The following LHFPL6 variants were observed in gnomAD, a reference collection of about 807,000 sequenced individuals.
LHFPL6 encodes the protein LHFPL tetraspan subfamily member 6 protein.
LHFPL6 carries 9 observed loss-of-function variants against 20.6 expected under a neutral mutation model. The observed-to-expected ratio is 0.44, with a 90% confidence interval of 0.26 to 0.76. The LOEUF is 0.76. LHFPL6 is among the 30% of genes least tolerant of loss of function. The pLI is 0.20. For missense variants in LHFPL6, 218 were observed against 253.5 expected (o/e 0.86, Z 0.95); for synonymous variants, 105 against 98.7 (o/e 1.06, Z -0.38).
chr13:39,564,791 C>G (rs1353872255), intron 2 of LHFPL6, among the ~76,000 whole-genome samples: 1 of 152,104 alleles, frequency 6.6e-6, no homozygotes, highest in African/African-American at 2.4e-5. Context: ...CACCTTCTGC[C>G]AATGAGCTAT....
chr13:39,561,362 A>G (rs1871476928), intron 2 of LHFPL6, among the ~76,000 whole-genome samples: 1 of 152,110 alleles, frequency 6.6e-6, no homozygotes, highest in African/African-American at 2.4e-5. Context: ...CAGCATCAGA[A>G]TCATCATTGT....
intron 2 of LHFPL6, among the ~76,000 whole-genome samples, chr13:39,535,779 T>C (rs1404114509): frequency 6.6e-6 from 1 of 152,246 alleles, no homozygotes; most frequent in Non-Finnish European, 1.5e-5. Flanking sequence ...ACCATCATTC[T>C]TCTGCTGTGA....
At chr13:39,362,596 C>T (rs1869902990) in intron 3 of LHFPL6, among the ~76,000 whole-genome samples, 1 of 152,150 alleles carries the variant, frequency 6.6e-6, no homozygotes, top group Admixed American at 6.5e-5. Context: ...CAAAATGAGA[C>T]ACCTGCATAA....
intron 2 of LHFPL6, among the ~76,000 whole-genome samples, chr13:39,552,316 T>A (rs1871163404): frequency 6.6e-6 from 1 of 152,176 alleles, no homozygotes; most frequent in Non-Finnish European, 1.5e-5. Flanking sequence ...CACAACCATA[T>A]TCAAAGACTA....
intron 2 of LHFPL6, among the ~76,000 whole-genome samples, chr13:39,521,540 A>T (rs570579119): frequency 1.8e-4 from 28 of 152,216 alleles, no homozygotes; most frequent in African/African-American, 5.8e-4. Context: ...GCAGCTAAAA[A>T]TTTTTATATA....
intron 3 of LHFPL6, among the ~76,000 whole-genome samples, chr13:39,353,808 C>A (rs1275866786): frequency 6.6e-6 from 1 of 152,164 alleles, no homozygotes; most frequent in Non-Finnish European, 1.5e-5. Flanking sequence ...GTCCTATACA[C>A]AACTCCAAGG....
intron 2 of LHFPL6, among the ~76,000 whole-genome samples, chr13:39,384,134 C>A (rs1469152372): frequency 6.6e-6 from 1 of 152,248 alleles, no homozygotes; most frequent in South Asian, 2.1e-4. Context: ...AGAGCCAATA[C>A]TGATCTTAAT....
chr13:39,383,378 C>T (rs1461822007), intron 2 of LHFPL6, among the ~76,000 whole-genome samples: 3 of 152,210 alleles, frequency 2.0e-5, no homozygotes, highest in Non-Finnish European at 1.5e-5. Flanking sequence ...ATGCAGTAGC[C>T]AATAGCCACA....
chr13:39,390,959 T>C (rs112538074), intron 2 of LHFPL6, among the ~76,000 whole-genome samples: 6,393 of 152,266 alleles, frequency 0.042, 157 homozygotes, highest in Middle Eastern at 0.075. Context: ...ATCGCGCCAC[T>C]GCGCTCCAGC....
At chr13:39,475,828 C>G (rs2138440620) in intron 2 of LHFPL6, among the ~76,000 whole-genome samples, 1 of 152,290 alleles carries the variant, frequency 6.6e-6, no homozygotes, top group South Asian at 2.1e-4. Context: ...GATCACTACT[C>G]TCTATCCCTC....
intron 2 of LHFPL6, among the ~76,000 whole-genome samples, chr13:39,406,910 A>T (rs1420105297): frequency 6.6e-6 from 1 of 152,192 alleles, no homozygotes; most frequent in Non-Finnish European, 1.5e-5. Flanking sequence ...CCTAGAGGTA[A>T]GTTCTGAGAT....
chr13:39,495,040 C>T (rs1290231910), intron 2 of LHFPL6, among the ~76,000 whole-genome samples: 4 of 152,200 alleles, frequency 2.6e-5, no homozygotes, highest in Non-Finnish European at 1.5e-5. Flanking sequence ...GCACCCCACT[C>T]TCCCATCTCA....
intron 2 of LHFPL6, among the ~76,000 whole-genome samples, chr13:39,445,774 A>G (rs1312638513): frequency 6.6e-6 from 1 of 152,242 alleles, no homozygotes; most frequent in Non-Finnish European, 1.5e-5. Context: ...GAGTCTTTCA[A>G]GTAGACATCC....
At chr13:39,386,658 T>C (rs1334982369) in intron 2 of LHFPL6, among the ~76,000 whole-genome samples, 1 of 152,198 alleles carries the variant, frequency 6.6e-6, no homozygotes, top group African/African-American at 2.4e-5. Context: ...AAGTGGGACT[T>C]GGTATATCTA....
intron 2 of LHFPL6, among the ~76,000 whole-genome samples, chr13:39,393,943 C>T (rs1870774283): frequency 6.6e-6 from 1 of 152,084 alleles, no homozygotes; most frequent in Admixed American, 6.6e-5. Flanking sequence ...AATTTCCTTT[C>T]CTTTTTTCTT....
At chr13:39,440,940 G>A (rs1004469244) in intron 2 of LHFPL6, among the ~76,000 whole-genome samples, 5 of 151,914 alleles carry the variant, frequency 3.3e-5, no homozygotes, top group Admixed American at 1.3e-4. Flanking sequence ...CTTGTCTACC[G>A]CCATGTTAGA....
At chr13:39,489,818 G>C (rs1868857673) in intron 2 of LHFPL6, among the ~76,000 whole-genome samples, 1 of 152,134 alleles carries the variant, frequency 6.6e-6, no homozygotes, top group Non-Finnish European at 1.5e-5. Context: ...GCCTCCCAAA[G>C]TGCTGGGATT....
chr13:39,589,880 T>C (rs1299618045), intron 2 of LHFPL6, among the ~76,000 whole-genome samples: 6 of 152,198 alleles, frequency 3.9e-5, no homozygotes, highest in African/African-American at 1.4e-4. Context: ...ATTATTAATA[T>C]TAACATGTAA....
chr13:39,560,099 T>C lies in LHFPL6; in HGVS notation c.385+40733A>G, dbSNP rs575904663. ...CTTGGCAATCTATCAACATGGTAAC[T>C]ATCCGATCTACCAGGTCATTTCCTA... is the stretch of plus-strand genomic sequence containing the variant. On this transcript the variant is annotated intron_variant, in intron 2 of 3. Transcript: ENST00000379589. 2.0e-5 allele frequency among the ~76,000 whole-genome samples: 3 copies of C among 152,248 alleles called. No homozygotes were observed. The East Asian group carries it at 5.8e-4, about 29-fold the overall frequency.
Sources: gnomAD v4.1 joint callset for allele counts (sites outside exome capture counted in the v4.1 genomes callset) on GRCh38, gnomAD v4.1.1 for gene constraint, MANE v1.5 for transcripts, NCBI Gene and HGNC (gene_info 2026-07-23, HGNC 2026-07-21) for gene names.